SYNE2: variants seen among roughly 807,000 people sequenced by gnomAD.
The protein encoded by SYNE2 is spectrin repeat containing nuclear envelope protein 2.
In SYNE2, 431 loss-of-function variants were observed where a neutral mutation model predicts 856.3. That is an observed-to-expected ratio of 0.50 (90% CI 0.47 to 0.55). The LOEUF (loss-of-function observed/expected upper bound fraction) is 0.55. Ranked by LOEUF, SYNE2 falls within the 20% of genes least tolerant of loss-of-function variation. SYNE2 has a pLI of 0.00. For synonymous variants in SYNE2, 2,923 were observed against 2,872.3 expected, an observed-to-expected ratio of 1.02 and a Z score of -0.56; for missense variants, 8,129 against 8,023.2, an observed-to-expected ratio of 1.01 and a Z score of -0.50.
In SYNE2 at chr14:64,074,118, A is replaced by G; in HGVS notation, c.10848A>G (p.Glu3616=). 6.2e-7 allele frequency: 1 copy of G among 1,614,242 alleles called. No homozygotes were observed. Among genetic ancestry groups the G allele is most frequent in the Non-Finnish European group, 8.5e-7 (1 of 1,180,028 alleles). ...FQNMAFQDHP[E]KSEQFEELQS... is the part of the protein sequence containing the mutation. ...ATATGGCATTCCAGGATCACCCAGA[A>G]AAGTCAGAACAATTTGAGGTAAGTG... The change falls in exon 53 of 116, where the codon GAA becomes GAG. Residue 3616 remains glutamate (E), a synonymous_variant. Transcript: ENST00000555002.
intron 48 of SYNE2, among the ~76,000 whole-genome samples, chr14:64,054,209 C>T (rs2097251035): frequency 6.6e-6 from 1 of 152,158 alleles, no homozygotes; most frequent in Non-Finnish European, 1.5e-5. Flanking sequence ...ACTCTTATTT[C>T]TGTTTTCCTC....
chr14:64,025,307 T>C lies in SYNE2; in HGVS notation c.6138T>C (p.Phe2046=), dbSNP rs2096969209. 3 of 1,614,004 alleles carry C rather than the reference T, an allele frequency of 1.9e-6. No homozygotes were observed. Among genetic ancestry groups the C allele is most frequent in the Non-Finnish European group, 2.5e-6 (3 of 1,179,996 alleles). ...DKLLPTEDQS[F]NDLAHDVIHW... is the part of the protein sequence containing the mutation. The stretch of plus-strand genomic sequence containing the variant: ...TACTACCCACAGAGGACCAGAGCTT[T>C]AATGATCTTGCACATGATGTAATTC... Residue 2046 remains phenylalanine, a synonymous_variant, in exon 41 of 116, where the codon TTT becomes TTC. Coordinates refer to ENST00000555002, the MANE Select transcript of SYNE2 (RefSeq NM_182914.3).
In SYNE2 at chr14:63,979,011, G is replaced by C; in HGVS notation, c.1566G>C (p.Trp522Cys). The C allele has an allele frequency of 6.2e-7, 1 of 1,613,518 alleles. No homozygotes were observed. The highest frequency in any genetic ancestry group is 8.5e-7 in the Non-Finnish European group (1 of 1,179,712). ...CTGTGGAATTATTGCTGGAAGACTG[G>C]CATGTAAGCTTTTCAATTTTGTGTC... ...RESVELLLED[W>C]HKFIEEKEFL... is the part of the protein sequence containing the mutation. Residue 522 changes from tryptophan to cysteine, a missense_variant, in exon 14 of 116, where the codon TGG (tryptophan) becomes TGC (cysteine). Trp to Cys is a radical substitution (Grantham distance 215, BLOSUM62 -2). This residue lies in a region of SYNE2 where 2,422 missense variants were observed against 2,357.4 expected (regional missense o/e 1.03). Coordinates refer to ENST00000555002, the MANE Select transcript of SYNE2 (RefSeq NM_182914.3).
chr14:63,892,374 CT>C (rs577080329), intron 1 of SYNE2, among the ~76,000 whole-genome samples: 7 of 150,484 alleles, frequency 4.7e-5, no homozygotes, highest in South Asian at 4.2e-4. Context: ...TCCCCCCAAC[CT>C]TTTTTTTTCC....
At chr14:63,833,809 A>C (rs757974546) in intron 1 of SYNE2, among the ~76,000 whole-genome samples, 1 of 151,822 alleles carries the variant, frequency 6.6e-6, no homozygotes, top group African/African-American at 2.4e-5. Flanking sequence ...GTTGATTCAT[A>C]CTCCTTTCAT....
At chr14:64,089,734 T>A (rs1332825495) in intron 59 of SYNE2, 38 bp downstream of exon 59, 8 of 1,459,290 alleles carry the variant, frequency 5.5e-6, no homozygotes, top group Non-Finnish European at 7.6e-6. Flanking sequence ...TTTCTTATGA[T>A]ACTTATTATG....
rs772450082 is a variant in SYNE2, at chr14:64,186,621, T to C, written c.17712+42T>C. 2.5e-6 allele frequency: 4 copies of C among 1,613,184 alleles called. No homozygotes were observed. In the Admixed American group the frequency reaches 5.0e-5, roughly 20 times the overall value. On this transcript the variant is annotated intron_variant, in intron 97 of 115. Transcript: ENST00000555002. Reference sequence around the variant, plus strand: ...CAGGGCACGGCTGTTTGGGAGTGGATTGAAATGTCTCTGAAGGCCAGACAA... The same window carrying C: ...CAGGGCACGGCTGTTTGGGAGTGGACTGAAATGTCTCTGAAGGCCAGACAA...
At position 64,053,122 on chromosome 14, in the gene SYNE2, T is replaced by TA. The variant is rs1170186996; in HGVS notation, c.9213dup (p.Ala3072SerfsTer3). 9 of 1,614,062 alleles carry TA rather than the reference T, an allele frequency of 5.6e-6. No individual in the cohort carries two copies. Among genetic ancestry groups the TA allele is most frequent in the Non-Finnish European group, 7.6e-6 (9 of 1,179,994 alleles). ...ATTAAGAAAATGACTGAAGTAGTAC[T>TA]AAAAGCTCCTGATAGCTCTCCGGAA... is the stretch of plus-strand genomic sequence containing the variant. On this transcript the variant is annotated frameshift_variant, in exon 48 of 116. Transcript: ENST00000555002. LOFTEE classifies it high-confidence loss of function.
chr14:64,168,928 A>C lies in SYNE2; in HGVS notation c.16957A>C (p.Thr5653Pro). ...CCAGACAATTGCTGATTCCTATGTC[A>C]CCCAGTCCTTACAACTCCTGGACAC... ...INQTIADSYV[T>P]QSLQLLDTTE... The change falls in exon 93 of 116, where the codon ACC becomes CCC. Residue 5653 changes from threonine to proline, a missense_variant. Transcript: ENST00000555002. 6.2e-7 allele frequency: 1 copy of C among 1,614,102 alleles called. No individual in the cohort carries two copies. The highest frequency in any genetic ancestry group is 8.5e-7 in the Non-Finnish European group (1 of 1,179,978).
At chr14:63,974,890 G>GTATATATATATATATATA (rs1281921502) in intron 11 of SYNE2, among the ~76,000 whole-genome samples, 113 of 27,456 alleles carry the variant, frequency 4.1e-3, no homozygotes, top group South Asian at 6.7e-3. Context: ...GTGTGTGTGT[G>GTATATATATATATATATA]TGTATATATA....
chr14:63,798,554 C>T (rs187286658), intron 1 of SYNE2, among the ~76,000 whole-genome samples: 1 of 151,952 alleles, frequency 6.6e-6, no homozygotes, highest in African/African-American at 2.4e-5. Context: ...CCACCATACC[C>T]AGCTAATTTT....
chr14:64,032,985 TAG>T (rs2097053405), intron 45 of SYNE2, among the ~76,000 whole-genome samples: 1 of 151,842 alleles, frequency 6.6e-6, no homozygotes, highest in Non-Finnish European at 1.5e-5. Context: ...CTGGGCAACA[TAG>T]GGAGATTTCA....
At chr14:63,815,149 CAT>C (rs1363002614) in intron 1 of SYNE2, among the ~76,000 whole-genome samples, 1 of 65,738 alleles carries the variant, frequency 1.5e-5, no homozygotes, top group Non-Finnish European at 3.1e-5. Context: ...TATATATACA[CAT>C]ATATATCCAT....
chr14:64,085,881 G>GT (rs2097557835), intron 57 of SYNE2, among the ~76,000 whole-genome samples: 1 of 152,096 alleles, frequency 6.6e-6, no homozygotes, highest in Non-Finnish European at 1.5e-5. Flanking sequence ...TGAGTTGTAA[G>GT]TTTTTTGTAA....
chr14:64,179,118 C>T (rs1307308185), intron 96 of SYNE2, among the ~76,000 whole-genome samples: 1 of 152,018 alleles, frequency 6.6e-6, no homozygotes, highest in African/African-American at 2.4e-5. Flanking sequence ...TTTATATAAG[C>T]AGTACTATAT....
chr14:63,923,615 A>G (rs1475309100), intron 2 of SYNE2, among the ~76,000 whole-genome samples: 6 of 152,278 alleles, frequency 3.9e-5, no homozygotes, highest in East Asian at 1.9e-4. Context: ...GTTGGAGCCC[A>G]TAAGCTAATG....
Position 64,119,492 on chromosome 14 carries a change from G to A in SYNE2, c.12906G>A (p.Leu4302=). The stretch of plus-strand genomic sequence containing the variant: ...TAGAGACTTGCAAAGATCAGGGCCT[G>A]GGAGATAATGGAGCCACTCAACATG... ...FLLETCKDQG[L]GDNGATQHEA... The change falls in exon 67 of 116, where the codon CTG becomes CTA. Residue 4302 remains leucine, a synonymous_variant. Transcript: ENST00000555002. The A allele has an allele frequency of 6.2e-7, 1 of 1,614,200 alleles. No homozygotes were observed. Among genetic ancestry groups the A allele is most frequent in the East Asian group, 2.2e-5 (1 of 44,880 alleles).
Position 64,225,698 on chromosome 14 carries a change from T to A in SYNE2, c.*172T>A, listed in dbSNP as rs987132382. 3 of 737,254 alleles carry A rather than the reference T, an allele frequency of 4.1e-6. No homozygotes were observed. Among genetic ancestry groups the A allele is most frequent in the South Asian group, 3.2e-5 (2 of 63,460 alleles). 45.7% of individuals were successfully genotyped at this position (737,254 alleles called of 1,614,324 possible). On this transcript the variant is annotated 3_prime_UTR_variant, in exon 116 of 116. Coordinates refer to ENST00000555002, the MANE Select transcript of SYNE2 (RefSeq NM_182914.3). ...CTGGAGCCCAGGGCAGCTTTCAGAT[T>A]GTGTTCCTCCCCAGGAGCAGGGAAC...
chr14:63,974,786 A>ATATATATGTG (rs1191248511), intron 11 of SYNE2, among the ~76,000 whole-genome samples: 2 of 73,260 alleles, frequency 2.7e-5, no homozygotes, highest in Non-Finnish European at 2.6e-5. Flanking sequence ...ATATGTGTGT[A>ATATATATGTG]TATATATGTG....
Sources: gnomAD v4.1 joint callset for allele counts (sites outside exome capture counted in the v4.1 genomes callset) on GRCh38, gnomAD v4.1.1 for gene constraint, gnomAD v4.1.1 regional missense constraint, MANE v1.5 for transcripts, NCBI Gene and HGNC (gene_info 2026-07-23, HGNC 2026-07-21) for gene names.